Variants in P2RY14 observed in about 807,000 individuals in gnomAD.
P2RY14 encodes P2Y purinoceptor 14.
P2RY14 carries 2 observed loss-of-function variants against 0.9 expected under a neutral mutation model. The ratio of observed to expected loss-of-function variants is 2.16; its 90% CI spans 0.88 to 6.79. The LOEUF (loss-of-function observed/expected upper bound fraction) is 6.79, where lower values mean the gene tolerates loss of function less well. Ranked by LOEUF, P2RY14 falls within the 30% of genes most tolerant of loss-of-function variation. The pLI is 0.05. For missense variants in P2RY14, 378 were observed against 400.1 expected, an observed-to-expected ratio of 0.94 and a Z score of 0.47; for synonymous variants, 158 against 147.2, an observed-to-expected ratio of 1.07 and a Z score of -0.53.
chr3:151,221,171 G>A (rs1729269898), intron 1 of P2RY14, among the ~76,000 whole-genome samples: 1 of 152,168 alleles, frequency 6.6e-6, no homozygotes, highest in Non-Finnish European at 1.5e-5. Flanking sequence ...ATGATTTAGG[G>A]TATCTAGCTG....
intron 1 of P2RY14, among the ~76,000 whole-genome samples, chr3:151,270,353 C>T (rs564485186): frequency 6.6e-6 from 1 of 152,098 alleles, no homozygotes; most frequent in South Asian, 2.1e-4. Flanking sequence ...GGAAAAGGAT[C>T]TCTACCCCTT....
intron 1 of P2RY14, among the ~76,000 whole-genome samples, chr3:151,256,784 T>A (rs1417078630): frequency 6.7e-6 from 1 of 150,302 alleles, no homozygotes; most frequent in African/African-American, 2.4e-5. Context: ...AATACTTTGT[T>A]AGTTCAGCTG....
intron 1 of P2RY14, among the ~76,000 whole-genome samples, chr3:151,221,424 T>C (rs1335704402): frequency 2.0e-5 from 3 of 151,968 alleles, no homozygotes; most frequent in Admixed American, 2.0e-4. Flanking sequence ...ATGTCAAAGG[T>C]CTTTACTGCA....
intron 2 of P2RY14, among the ~76,000 whole-genome samples, chr3:151,214,965 T>C (rs989179395): frequency 1.3e-5 from 2 of 152,192 alleles, no homozygotes; most frequent in Non-Finnish European, 2.9e-5. Context: ...AATGTTTACA[T>C]ATTAAGAGCT....
At position 151,213,535 on chromosome 3, in the gene P2RY14, G is replaced by T. The variant is rs147553856; in HGVS notation, c.782C>A (p.Thr261Asn). ...TGACTGGCAGCTGTAATGAGCTTCG[G>T]TCTGACTCTTTGTGTAGGGGATTCT... ...IARIPYTKSQTEAHYSCQSKE... is the reference protein window; with the variant it reads ...IARIPYTKSQNEAHYSCQSKE... The change falls in exon 3 of 3, where the codon ACC becomes AAC. Residue 261 changes from threonine to asparagine, a missense_variant. Physicochemically the swap from Thr to Asn is moderately conservative, Grantham distance 65 (BLOSUM62 0). Transcript: ENST00000309170. 6 of 1,614,028 alleles carry T rather than the reference G, an allele frequency of 3.7e-6. No homozygotes were observed. In the African/African-American group the frequency reaches 8.0e-5, roughly 22 times the overall value.
intron 1 of P2RY14, among the ~76,000 whole-genome samples, chr3:151,250,211 C>T (rs1234312658): frequency 1.3e-5 from 2 of 152,168 alleles, no homozygotes; most frequent in Non-Finnish European, 2.9e-5. Flanking sequence ...CCTCATTGCA[C>T]ATTCCTCAAT....
intron 1 of P2RY14, among the ~76,000 whole-genome samples, chr3:151,247,279 T>C (rs1383032327): frequency 2.6e-5 from 4 of 152,036 alleles, no homozygotes; most frequent in African/African-American, 4.8e-5. Context: ...ACCCAAAGGA[T>C]TATAAATCAT....
In P2RY14 at chr3:151,213,268, C is replaced by G; in HGVS notation, c.*32G>C. 1 of 1,513,568 alleles carries G rather than the reference C, an allele frequency of 6.6e-7. No individual in the cohort carries two copies. The highest frequency in any genetic ancestry group is 8.9e-7 in the Non-Finnish European group (1 of 1,118,302). The allele number at this position is 1,513,568 out of a possible 1,614,324, so 93.8% of individuals were successfully genotyped here. A position where few individuals can be genotyped will look rare whatever the true frequency, so the allele number is the denominator to read the frequency against. ...ATGTAATTGAAGATGACAACATGCACACGTGGTCTTTCTTTGGAAGAGGGT... is the reference window on the plus strand; with the variant it reads ...ATGTAATTGAAGATGACAACATGCAGACGTGGTCTTTCTTTGGAAGAGGGT... On this transcript the variant is annotated 3_prime_UTR_variant, in exon 3 of 3. Coordinates refer to ENST00000309170, the MANE Select transcript of P2RY14 (RefSeq NM_014879.4).
intron 1 of P2RY14, among the ~76,000 whole-genome samples, chr3:151,271,470 C>G (rs1315487841): frequency 6.6e-6 from 1 of 152,162 alleles, no homozygotes; most frequent in Non-Finnish European, 1.5e-5. Flanking sequence ...AAACATGTTG[C>G]TTCCTTGTGA....
intron 1 of P2RY14, among the ~76,000 whole-genome samples, chr3:151,233,616 C>G (rs1157078289): frequency 1.3e-5 from 2 of 152,130 alleles, no homozygotes; most frequent in African/African-American, 4.8e-5. Flanking sequence ...GTCTGTAATC[C>G]CAGCTACTCG....
intron 1 of P2RY14, among the ~76,000 whole-genome samples, chr3:151,258,653 C>T (rs1221838286): frequency 1.3e-5 from 2 of 151,874 alleles, no homozygotes; most frequent in African/African-American, 4.8e-5. Context: ...TTTAAGAGTC[C>T]AGCCTGATCA....
chr3:151,237,127 C>T (rs1042255509), intron 1 of P2RY14, among the ~76,000 whole-genome samples: 3 of 150,788 alleles, frequency 2.0e-5, no homozygotes, highest in African/African-American at 4.9e-5. Context: ...CTGCAACCTC[C>T]GTTTCCCAGG....
intron 1 of P2RY14, among the ~76,000 whole-genome samples, chr3:151,235,931 C>G (rs757352122): frequency 1.3e-5 from 2 of 152,020 alleles, no homozygotes; most frequent in African/African-American, 2.4e-5. Flanking sequence ...TCTCTTGTCT[C>G]CCTTTGTTGT....
chr3:151,239,418 A>T (rs1019337924), intron 1 of P2RY14, among the ~76,000 whole-genome samples: 8 of 152,216 alleles, frequency 5.3e-5, no homozygotes, highest in African/African-American at 1.9e-4. Context: ...CATACTTTTA[A>T]CCTAAACATT....
intron 1 of P2RY14, among the ~76,000 whole-genome samples, chr3:151,236,266 G>C (rs1732771093): frequency 6.6e-6 from 1 of 152,178 alleles, no homozygotes; most frequent in Non-Finnish European, 1.5e-5. Context: ...AGTTTGTTCA[G>C]CACTTCTAGA....
intron 1 of P2RY14, among the ~76,000 whole-genome samples, chr3:151,259,829 ACT>A (rs1738521238): frequency 6.6e-6 from 1 of 151,604 alleles, no homozygotes; most frequent in African/African-American, 2.4e-5. Context: ...TTCTTTTTTC[ACT>A]CTGTTTATTC....
intron 1 of P2RY14, among the ~76,000 whole-genome samples, chr3:151,247,501 C>G (rs1436259159): frequency 6.6e-6 from 1 of 150,834 alleles, no homozygotes; most frequent in African/African-American, 2.4e-5. Flanking sequence ...TCTCAGTAAA[C>G]TATCGCAAGA....
At chr3:151,220,634 C>T (rs920127871) in intron 1 of P2RY14, among the ~76,000 whole-genome samples, 17 of 152,186 alleles carry the variant, frequency 1.1e-4, no homozygotes, top group Non-Finnish European at 1.8e-4. Flanking sequence ...GTTTTAAAAA[C>T]GAGAGTTGCC....
At chr3:151,245,146 G>C (rs1279586188) in intron 1 of P2RY14, among the ~76,000 whole-genome samples, 1 of 152,178 alleles carries the variant, frequency 6.6e-6, no homozygotes, top group South Asian at 2.1e-4. Flanking sequence ...CAACCAAAAA[G>C]AGTCCAGGAC....
Sources: allele counts gnomAD v4.1 joint callset (sites outside exome capture counted in the v4.1 genomes callset), GRCh38; gene constraint gnomAD v4.1.1; transcripts MANE v1.5; gene names NCBI Gene and HGNC (gene_info 2026-07-23, HGNC 2026-07-21).